Variants in FSTL4 observed in about 807,000 individuals in gnomAD.
FSTL4 encodes the protein follistatin like 4.
In FSTL4, 28 loss-of-function variants were observed where a neutral mutation model predicts 78.2. The observed-to-expected ratio is 0.36, with a 90% confidence interval of 0.27 to 0.49. FSTL4 has a LOEUF of 0.49. Among genes scored for constraint, FSTL4 ranks in the 20% least tolerant of loss-of-function variants. FSTL4 has a pLI of 0.98. For missense variants in FSTL4, 922 were observed against 1,084.9 expected (o/e 0.85, Z 2.11); for synonymous variants, 422 against 440.5 (o/e 0.96, Z 0.53).
At chr5:133,345,367 T>C (rs1754674979) in intron 4 of FSTL4, among the ~76,000 whole-genome samples, 1 of 152,166 alleles carries the variant, frequency 6.6e-6, no homozygotes, top group Non-Finnish European at 1.5e-5. Context: ...TCCTATTCCG[T>C]AGGTTGCCTG....
intron 6 of FSTL4, among the ~76,000 whole-genome samples, chr5:133,302,615 C>A (rs1012548080): frequency 1.3e-5 from 2 of 152,278 alleles, no homozygotes; most frequent in South Asian, 4.2e-4. Flanking sequence ...AAACAGGAGT[C>A]CCACCAGGAC....
At chr5:133,671,475 T>C in the FSTL4 span, among the ~76,000 whole-genome samples, 1 of 152,218 alleles carries the variant, frequency 6.6e-6, no homozygotes, top group African/African-American at 2.4e-5. Context: ...ATGTTACAAA[T>C]GCTTGTTCCT....
the FSTL4 span, among the ~76,000 whole-genome samples, chr5:133,829,990 C>T: frequency 3.3e-5 from 5 of 152,150 alleles, no homozygotes; most frequent in African/African-American, 2.4e-5. Flanking sequence ...GGAATCCCCC[C>T]GGTGACAGCC....
chr5:133,335,080 C>A (rs972908165), intron 4 of FSTL4, among the ~76,000 whole-genome samples: 1 of 152,230 alleles, frequency 6.6e-6, no homozygotes. Flanking sequence ...TCCCGAAACA[C>A]CTGGCGGTCT....
chr5:133,764,624 GC>G, the FSTL4 span, among the ~76,000 whole-genome samples: 4 of 152,338 alleles, frequency 2.6e-5, no homozygotes, highest in African/African-American at 9.6e-5. Context: ...GATCCCTGAA[GC>G]CCACAGGTGG....
chr5:133,598,965 C>T (rs997395543), intron 2 of FSTL4, among the ~76,000 whole-genome samples: 1 of 152,130 alleles, frequency 6.6e-6, no homozygotes, highest in African/African-American at 2.4e-5. Flanking sequence ...TGCCCACAAA[C>T]CAGCTGAGGG....
chr5:133,675,153 A>G, the FSTL4 span, among the ~76,000 whole-genome samples: 6 of 152,274 alleles, frequency 3.9e-5, no homozygotes, highest in African/African-American at 1.4e-4. Flanking sequence ...GCATTTAAGT[A>G]GAGACCTGAG....
At chr5:133,655,409 C>T in the FSTL4 span, among the ~76,000 whole-genome samples, 2 of 152,188 alleles carry the variant, frequency 1.3e-5, no homozygotes, top group African/African-American at 2.4e-5. Flanking sequence ...ATGCTCACCC[C>T]TGCCCCATGC....
the FSTL4 span, among the ~76,000 whole-genome samples, chr5:133,761,919 A>G: frequency 2.6e-5 from 4 of 152,144 alleles, no homozygotes; most frequent in Admixed American, 2.0e-4. Context: ...AGCTGCATCT[A>G]TTAATTTTCT....
At position 133,480,072 on chromosome 5, in the gene FSTL4, C is replaced by T. The variant is rs138569474; in HGVS notation, c.161-79086G>A. Among the ~76,000 whole-genome samples, 717 of 152,262 alleles carry T rather than the reference C, an allele frequency of 4.7e-3. 3 individuals carry two copies. Among genetic ancestry groups the T allele is most frequent in the African/African-American group, 0.016 (671 of 41,552 alleles). ...CAATGTTTGTGACAGGACCTAACAC[C>T]GAATGCAAGGGAGAAAGGCAGATGT... On this transcript the variant is annotated intron_variant, in intron 3 of 15. Transcript: ENST00000265342.
chr5:133,371,504 G>C (rs900263526), intron 4 of FSTL4, among the ~76,000 whole-genome samples: 2 of 152,220 alleles, frequency 1.3e-5, no homozygotes, highest in African/African-American at 2.4e-5. Flanking sequence ...GACCTGTCTA[G>C]GGTGTGAGAG....
intron 14 of FSTL4, among the ~76,000 whole-genome samples, chr5:133,205,369 C>T (rs1420666198): frequency 7.2e-6 from 1 of 138,746 alleles, no homozygotes; most frequent in South Asian, 2.5e-4. Context: ...TTCCTGGATT[C>T]TATGTCTTTT....
the FSTL4 span, among the ~76,000 whole-genome samples, chr5:133,785,277 A>G: frequency 1.3e-5 from 2 of 152,172 alleles, no homozygotes. Flanking sequence ...GCCTAAAACC[A>G]AGAGACCAAC....
the FSTL4 span, among the ~76,000 whole-genome samples, chr5:133,627,774 T>A: frequency 6.6e-6 from 1 of 152,104 alleles, no homozygotes; most frequent in Non-Finnish European, 1.5e-5. Flanking sequence ...TATTTTTTGT[T>A]CTGTGTATGT....
chr5:133,254,023 A>G (rs1425767837), intron 6 of FSTL4, among the ~76,000 whole-genome samples: 1 of 152,234 alleles, frequency 6.6e-6, no homozygotes, highest in African/African-American at 2.4e-5. Flanking sequence ...TAATGTAAAG[A>G]AACACTTGGA....
the FSTL4 span, among the ~76,000 whole-genome samples, chr5:133,749,287 T>C: frequency 6.6e-6 from 1 of 152,150 alleles, no homozygotes; most frequent in African/African-American, 2.4e-5. Flanking sequence ...TACACTTTCT[T>C]GGAGGGATTC....
chr5:133,658,161 G>C, the FSTL4 span, among the ~76,000 whole-genome samples: 1 of 152,040 alleles, frequency 6.6e-6, no homozygotes, highest in Non-Finnish European at 1.5e-5. Flanking sequence ...AAGATAAACT[G>C]TTACATTTGA....
intron 3 of FSTL4, among the ~76,000 whole-genome samples, chr5:133,507,202 TC>T (rs1461697396): frequency 4.6e-5 from 7 of 152,256 alleles, no homozygotes; most frequent in Admixed American, 1.3e-4. Flanking sequence ...TGAGACTCTG[TC>T]TCAAAAAATA....
chr5:133,325,505 C>T (rs1481985097), intron 4 of FSTL4, among the ~76,000 whole-genome samples: 1 of 152,246 alleles, frequency 6.6e-6, no homozygotes, highest in East Asian at 1.9e-4. Context: ...GGCTCAACAT[C>T]ATGAAAGAGC....
Sources: allele counts gnomAD v4.1 joint callset (sites outside exome capture counted in the v4.1 genomes callset), GRCh38; gene constraint gnomAD v4.1.1; transcripts MANE v1.5; gene names NCBI Gene and HGNC (gene_info 2026-07-23, HGNC 2026-07-21).